The following HDAC9 variants were observed in gnomAD, a reference collection of about 807,000 sequenced individuals.
HDAC9 encodes the protein MEF-2 interacting transcription repressor (MITR) protein.
A neutral mutation model predicts 139.4 loss-of-function variants in HDAC9; 41 were observed. The ratio of observed to expected loss-of-function variants is 0.29; its 90% CI spans 0.23 to 0.38. HDAC9 has a LOEUF of 0.38. Ranked by LOEUF, HDAC9 falls within the 10% of genes least tolerant of loss-of-function variation. The probability of loss-of-function intolerance (pLI) is 1.00; values close to 1 mark genes in which losing one functional copy is unlikely to be tolerated. For missense variants in HDAC9, 1,147 were observed against 1,297.0 expected (o/e 0.88, Z 1.78); for synonymous variants, 517 against 476.2 (o/e 1.09, Z -1.12).
At chr7:18,195,811 C>T (rs1301111318) in intron 2 of HDAC9, among the ~76,000 whole-genome samples, 2 of 152,000 alleles carry the variant, frequency 1.3e-5, no homozygotes, top group Non-Finnish European at 2.9e-5. Flanking sequence ...ATATGTTTGC[C>T]GTTATGTATA....
At chr7:18,668,897 A>G (rs545988267) in intron 12 of HDAC9, 1 of 982,950 alleles carries the variant, frequency 1.0e-6, no homozygotes, top group Admixed American at 6.3e-5. Context: ...ATCGAAGTTG[A>G]AGCTTGCACA....
chr7:18,440,113 T>C (rs1346187619), intron 1 of HDAC9, among the ~76,000 whole-genome samples: 1 of 152,096 alleles, frequency 6.6e-6, no homozygotes, highest in Non-Finnish European at 1.5e-5. Flanking sequence ...AATATAAGAA[T>C]AACTGGACAT....
chr7:18,424,681 G>A (rs549372165), intron 1 of HDAC9, among the ~76,000 whole-genome samples: 1 of 152,324 alleles, frequency 6.6e-6, no homozygotes, highest in African/African-American at 2.4e-5. Flanking sequence ...GGCTGAGGCA[G>A]ACAGATCACC....
At chr7:18,671,715 A>G (rs1269209593) in intron 12 of HDAC9, among the ~76,000 whole-genome samples, 1 of 152,010 alleles carries the variant, frequency 6.6e-6, no homozygotes, top group Non-Finnish European at 1.5e-5. Context: ...CCAACTAAGC[A>G]GTCACTCCCA....
chr7:18,685,098 C>G (rs1323767403), intron 12 of HDAC9, among the ~76,000 whole-genome samples: 2 of 151,982 alleles, frequency 1.3e-5, no homozygotes, highest in East Asian at 1.9e-4. Context: ...TGTCCTCCAC[C>G]CTCACTGTGG....
chr7:18,802,797 A>G (rs530855421), intron 17 of HDAC9, among the ~76,000 whole-genome samples: 8 of 151,734 alleles, frequency 5.3e-5, no homozygotes, highest in Non-Finnish European at 1.2e-4. Context: ...TGATATTAAT[A>G]TAGCAAAAAC....
In HDAC9 at chr7:18,246,439, A is replaced by G. The variant is rs116112204; in HGVS notation, c.25+84090A>G. On this transcript the variant is annotated intron_variant, in intron 2 of 12. Transcript: ENST00000417496. ...TTTCGTAAATTCACAGTGTGCAGAC[A>G]TGACTACTGCCTAGTTCCAGAACAT... Among the ~76,000 whole-genome samples, 986 of 152,232 alleles carry G rather than the reference A, an allele frequency of 6.5e-3. 15 individuals carry two copies. The highest frequency in any genetic ancestry group is 0.023 in the African/African-American group (954 of 41,520).
intron 22 of HDAC9, among the ~76,000 whole-genome samples, chr7:18,889,249 A>G (rs906062494): frequency 2.0e-5 from 3 of 152,134 alleles, no homozygotes. Flanking sequence ...TAACCTGGTT[A>G]TCTTCTCAGC....
chr7:18,624,687 A>G (rs551610779), intron 6 of HDAC9, among the ~76,000 whole-genome samples: 249 of 152,136 alleles, frequency 1.6e-3, no homozygotes, highest in Non-Finnish European at 2.6e-3. Context: ...CCAGAGCATT[A>G]AAAATAGAAT....
intron 5 of HDAC9, among the ~76,000 whole-genome samples, chr7:18,592,375 C>T (rs908879492): frequency 1.3e-5 from 2 of 151,872 alleles, no homozygotes; most frequent in African/African-American, 4.8e-5. Flanking sequence ...ACAAATATTT[C>T]AATAAAATAT....
intron 1 of HDAC9, among the ~76,000 whole-genome samples, chr7:18,128,574 C>T (rs1455061414): frequency 2.0e-5 from 3 of 152,160 alleles, no homozygotes; most frequent in Admixed American, 1.3e-4. Flanking sequence ...TTACAAAAAG[C>T]ATCTGAACTA....
At chr7:18,549,919 C>T (rs1296642503) in intron 2 of HDAC9, among the ~76,000 whole-genome samples, 1 of 151,488 alleles carries the variant, frequency 6.6e-6, no homozygotes, top group Non-Finnish European at 1.5e-5. Flanking sequence ...TCTTCTTCCT[C>T]CTCTTTCTCT....
chr7:18,583,355 G>A (rs1321181409), intron 2 of HDAC9, among the ~76,000 whole-genome samples: 2 of 152,086 alleles, frequency 1.3e-5, no homozygotes, highest in Admixed American at 1.3e-4. Flanking sequence ...TAAGCATTTA[G>A]ATTATAGAAC....
At chr7:18,666,993 G>A in intron 12 of HDAC9, 1 of 985,170 alleles carries the variant, frequency 1.0e-6, no homozygotes, top group Non-Finnish European at 1.2e-6. Flanking sequence ...AAGGTAGTCT[G>A]CCCCTTCCTT....
chr7:18,873,571 G>T (rs900698578), intron 21 of HDAC9, among the ~76,000 whole-genome samples: 6 of 152,064 alleles, frequency 3.9e-5, no homozygotes, highest in African/African-American at 1.4e-4. Context: ...ATTATTGAAG[G>T]ATAACTATTT....
chr7:18,320,765 C>A (rs906248420), intron 1 of HDAC9, among the ~76,000 whole-genome samples: 2 of 152,120 alleles, frequency 1.3e-5, no homozygotes, highest in Non-Finnish European at 2.9e-5. Flanking sequence ...GGACACCCCC[C>A]ACCCCAGTTG....
intron 1 of HDAC9, among the ~76,000 whole-genome samples, chr7:18,310,597 G>A (rs1021742677): frequency 2.6e-5 from 4 of 152,090 alleles, no homozygotes; most frequent in Admixed American, 2.0e-4. Flanking sequence ...TACTCGCACT[G>A]TGCACAAGTT....
In HDAC9 at chr7:18,996,562, A is replaced by ATGTAATGTTTCTTGTT. The variant is rs1028883812; in HGVS notation, c.*504_*519dup. The ATGTAATGTTTCTTGTT allele has an allele frequency of 1.3e-5, 2 of 152,516 alleles. No individual in the cohort carries two copies. The highest frequency in any genetic ancestry group is 4.8e-5 in the African/African-American group (2 of 41,454). The allele number at this position is 152,516 out of a possible 1,614,324, so 9.4% of individuals were successfully genotyped here. A position where few individuals can be genotyped will look rare whatever the true frequency, so the allele number is the denominator to read the frequency against. On this transcript the variant is annotated 3_prime_UTR_variant, in exon 26 of 26. Transcript: ENST00000686413. Reference sequence around the variant, plus strand: ...TGAACGGATCGTAATTCCACCCAGAATGTAATGTTTCTTGTTTGTTTGTTT... The same window carrying ATGTAATGTTTCTTGTT: ...TGAACGGATCGTAATTCCACCCAGAATGTAATGTTTCTTGTTTGTAATGTTTCTTGTTTGTTTGTTT...
intron 2 of HDAC9, among the ~76,000 whole-genome samples, chr7:18,230,319 A>G (rs1483464854): frequency 6.6e-6 from 1 of 152,188 alleles, no homozygotes; most frequent in Non-Finnish European, 1.5e-5. Context: ...CAAGTCAGCA[A>G]CAGCAGAGCA....
Sources: gnomAD v4.1 joint callset for allele counts (sites outside exome capture counted in the v4.1 genomes callset) on GRCh38, gnomAD v4.1.1 for gene constraint, MANE v1.5 for transcripts, NCBI Gene and HGNC (gene_info 2026-07-23, HGNC 2026-07-21) for gene names.